The following PEX14 variants were observed in gnomAD, a reference collection of about 807,000 sequenced individuals.
The protein encoded by PEX14 is peroxisomal membrane protein PEX14.
A neutral mutation model predicts 49.5 loss-of-function variants in PEX14; 15 were observed. That is an observed-to-expected ratio of 0.30 (90% CI 0.20 to 0.47). The LOEUF (loss-of-function observed/expected upper bound fraction) is 0.47, where lower values mean the gene tolerates loss of function less well. Ranked by LOEUF, PEX14 falls within the 20% of genes least tolerant of loss-of-function variation. The probability of loss-of-function intolerance (pLI) is 1.00; values close to 1 mark genes in which losing one functional copy is unlikely to be tolerated. For synonymous variants in PEX14, 210 were observed against 212.7 expected (o/e 0.99, Z 0.11); for missense variants, 398 against 494.8 (o/e 0.80, Z 1.86).
intron 3 of PEX14, among the ~76,000 whole-genome samples, chr1:10,572,697 CA>C (rs1332916405): frequency 4.6e-5 from 7 of 151,908 alleles, no homozygotes; most frequent in African/African-American, 1.7e-4. Context: ...CCACCACGCC[CA>C]GCTAATTTTT....
chr1:10,607,440 G>T (rs1641159254), intron 4 of PEX14, among the ~76,000 whole-genome samples: 1 of 152,320 alleles, frequency 6.6e-6, no homozygotes, highest in South Asian at 2.1e-4. Context: ...TTAAGTGTAT[G>T]TTTAACTTTA....
intron 1 of PEX14, among the ~76,000 whole-genome samples, chr1:10,481,360 G>A (rs186639240): frequency 8.7e-4 from 133 of 152,114 alleles, no homozygotes; most frequent in Non-Finnish European, 1.6e-3. Context: ...GGATGGTCTC[G>A]AACCCCTGAC....
At chr1:10,520,374 G>T (rs1413209257) in intron 2 of PEX14, among the ~76,000 whole-genome samples, 1 of 151,840 alleles carries the variant, frequency 6.6e-6, no homozygotes, top group Admixed American at 6.6e-5. Flanking sequence ...GTCTAGGCTG[G>T]TCTCAAACTC....
At chr1:10,537,501 A>G (rs1638854961) in intron 3 of PEX14, among the ~76,000 whole-genome samples, 1 of 152,276 alleles carries the variant, frequency 6.6e-6, no homozygotes, top group South Asian at 2.1e-4. Context: ...CAGCTCTCTC[A>G]TCAAAGCATT....
Position 10,498,280 on chromosome 1 carries a change from T to TAAAACAAAAC in PEX14, c.84+2989_84+2998dup, listed in dbSNP as rs70997243. Among the ~76,000 whole-genome samples, 1,153 of 150,034 alleles carry TAAAACAAAAC rather than the reference T, an allele frequency of 7.7e-3. 4 individuals are homozygous for TAAAACAAAAC. Among genetic ancestry groups the TAAAACAAAAC allele is most frequent in the Admixed American group, 9.8e-3 (147 of 15,030 alleles). ...GAGCAACAGAGCAAGGCCCTGTCTCTAAAACAAAACAAAACAAAACAAAAC... is the reference window on the plus strand; with the variant it reads ...GAGCAACAGAGCAAGGCCCTGTCTCTAAAACAAAACAAAACAAAACAAAACAAAACAAAAC... On this transcript the variant is annotated intron_variant, in intron 2 of 8. Coordinates refer to ENST00000356607, the MANE Select transcript of PEX14 (RefSeq NM_004565.3).
intron 2 of PEX14, among the ~76,000 whole-genome samples, chr1:10,530,014 A>G (rs1406765432): frequency 5.3e-5 from 8 of 152,208 alleles, no homozygotes; most frequent in Non-Finnish European, 1.2e-4. Context: ...ACCCAGGTGC[A>G]GGAGGCTACC....
chr1:10,624,779 A>G (rs1641697694), intron 7 of PEX14, among the ~76,000 whole-genome samples: 1 of 152,028 alleles, frequency 6.6e-6, no homozygotes, highest in South Asian at 2.1e-4. Flanking sequence ...GACGGTCTCT[A>G]CCTATAAGTT....
At chr1:10,515,811 G>A (rs957092138) in intron 2 of PEX14, among the ~76,000 whole-genome samples, 2 of 152,148 alleles carry the variant, frequency 1.3e-5, no homozygotes, top group African/African-American at 4.8e-5. Flanking sequence ...TCTCAGCCTG[G>A]AACTCCACTG....
At chr1:10,598,551 T>C (rs1640892214) in intron 3 of PEX14, among the ~76,000 whole-genome samples, 1 of 152,068 alleles carries the variant, frequency 6.6e-6, no homozygotes, top group African/African-American at 2.4e-5. Context: ...TGGTTTAGAG[T>C]GTCGGGAGGA....
chr1:10,606,334 G>A (rs1009773547), intron 4 of PEX14, among the ~76,000 whole-genome samples: 7 of 152,230 alleles, frequency 4.6e-5, no homozygotes, highest in African/African-American at 1.7e-4. Flanking sequence ...AGCGGGAAAA[G>A]GGCAGGCTGC....
At chr1:10,507,706 G>A (rs1446242096) in intron 2 of PEX14, among the ~76,000 whole-genome samples, 6 of 152,194 alleles carry the variant, frequency 3.9e-5, no homozygotes, top group Non-Finnish European at 8.8e-5. Context: ...AGCTCTTAAA[G>A]TGGTGCCTGC....
intron 4 of PEX14, among the ~76,000 whole-genome samples, chr1:10,602,296 T>C (rs1454235996): frequency 6.6e-6 from 1 of 152,166 alleles, no homozygotes; most frequent in East Asian, 1.9e-4. Flanking sequence ...TAATTTTAAA[T>C]ACCTGAAGTT....
chr1:10,611,745 A>G (rs1443223294), intron 4 of PEX14, among the ~76,000 whole-genome samples: 1 of 152,246 alleles, frequency 6.6e-6, no homozygotes, highest in African/African-American at 2.4e-5. Flanking sequence ...GGCTAATGAC[A>G]TCAAGCATAT....
intron 1 of PEX14, among the ~76,000 whole-genome samples, chr1:10,487,481 CTT>C (rs33968565): frequency 6.9e-5 from 6 of 86,752 alleles, no homozygotes; most frequent in Middle Eastern, 0.014. Context: ...TTCTTTCTTT[CTT>C]TTTTTTTTTT....
chr1:10,483,229 C>T (rs1389187064), intron 1 of PEX14, among the ~76,000 whole-genome samples: 3 of 152,136 alleles, frequency 2.0e-5, no homozygotes, highest in Admixed American at 6.5e-5. Flanking sequence ...AGTCATGGCT[C>T]GCTGCAGTCG....
chr1:10,500,663 C>T (rs936199089), intron 2 of PEX14, among the ~76,000 whole-genome samples: 1 of 152,166 alleles, frequency 6.6e-6, no homozygotes, highest in Non-Finnish European at 1.5e-5. Context: ...CAACCTCTGT[C>T]TCCCGGGTTC....
intron 3 of PEX14, among the ~76,000 whole-genome samples, chr1:10,541,632 G>A (rs1372811268): frequency 1.1e-4 from 17 of 152,200 alleles, no homozygotes; most frequent in Admixed American, 6.5e-4. Context: ...TTCCTTCCCT[G>A]CCAGTCTTGC....
At chr1:10,520,756 C>A (rs535776142) in intron 2 of PEX14, among the ~76,000 whole-genome samples, 1 of 152,108 alleles carries the variant, frequency 6.6e-6, no homozygotes, top group African/African-American at 2.4e-5. Context: ...GGCAGGAATT[C>A]GAAACGGGTC....
At chr1:10,565,110 G>A (rs1322858782) in intron 3 of PEX14, among the ~76,000 whole-genome samples, 1 of 151,976 alleles carries the variant, frequency 6.6e-6, no homozygotes, top group African/African-American at 2.4e-5. Context: ...CACCACATTG[G>A]CCAGGCTGGT....
Sources: gnomAD v4.1 joint callset for allele counts (sites outside exome capture counted in the v4.1 genomes callset) on GRCh38, gnomAD v4.1.1 for gene constraint, MANE v1.5 for transcripts, NCBI Gene and HGNC (gene_info 2026-07-23, HGNC 2026-07-21) for gene names.